SLF2: variants seen among roughly 807,000 people sequenced by gnomAD.
SLF2 encodes the protein SMC5/6 complex localization factor 2, also known as SMC5-SMC6 complex localization factor protein 2.
SLF2 carries 68 observed loss-of-function variants against 124.3 expected under a neutral mutation model. That is an observed-to-expected ratio of 0.55 (90% confidence interval 0.45 to 0.67). The LOEUF is 0.67. Ranked by LOEUF, SLF2 falls within the 30% of genes least tolerant of loss-of-function variation. The probability of loss-of-function intolerance (pLI) is 0.00; values close to 1 mark genes in which losing one functional copy is unlikely to be tolerated. For missense variants in SLF2, 1,246 were observed against 1,373.7 expected (o/e 0.91, Z 1.47); for synonymous variants, 480 against 478.8 (o/e 1.00, Z -0.03).
chr10:100,932,258 A>T (rs373159269), intron 9 of SLF2, among the ~76,000 whole-genome samples: 1 of 48,748 alleles, frequency 2.1e-5, no homozygotes, highest in East Asian at 2.4e-4. Flanking sequence ...ACATCTGTTT[A>T]AAAAAAAAAA....
rs893762928 is a variant in SLF2 at position 100,929,856 on chromosome 10, C to A, written c.2192C>A (p.Thr731Lys). The A allele has an allele frequency of 6.3e-7, 1 of 1,577,936 alleles. No homozygotes were observed. The highest frequency in any genetic ancestry group is 2.1e-5 in the Admixed American group (1 of 48,162). The change falls in exon 8 of 20, where the codon ACA becomes AAA. Residue 731 changes from threonine to lysine, a missense_variant. This residue lies in a region of SLF2 where 535 missense variants were observed against 632.8 expected (regional missense o/e 0.85). Transcript: ENST00000238961. ...HKEFLKKFSVTIDAIPDHHPG... is the reference protein window; with the variant it reads ...HKEFLKKFSVKIDAIPDHHPG... ...GAATTTCTAAAGAAATTTTCAGTTA[C>A]AATTGATGCTATTCCTGATCATCAT...
chr10:100,944,710 A>T (rs1327673987), intron 12 of SLF2, among the ~76,000 whole-genome samples: 1 of 152,028 alleles, frequency 6.6e-6, no homozygotes, highest in Non-Finnish European at 1.5e-5. Context: ...AAAGACTTAC[A>T]ATACAACTTA....
intron 16 of SLF2, among the ~76,000 whole-genome samples, chr10:100,950,425 A>AT (rs1466617498): frequency 6.6e-6 from 1 of 152,218 alleles, no homozygotes; most frequent in Admixed American, 6.5e-5. Context: ...ATTGTTGGTA[A>AT]TTTGCTCCCA....
At chr10:100,946,877 T>A (rs950344987) in intron 13 of SLF2, among the ~76,000 whole-genome samples, 162 bp from the exon 14 acceptor site, 1 of 152,264 alleles carries the variant, frequency 6.6e-6, no homozygotes, top group Non-Finnish European at 1.5e-5. Context: ...ATCTGTGTAT[T>A]GTGTACATTT....
At chr10:100,954,329 TAAAC>T (rs944627908) in intron 17 of SLF2, among the ~76,000 whole-genome samples, 6 of 152,170 alleles carry the variant, frequency 3.9e-5, no homozygotes, top group African/African-American at 1.2e-4. Context: ...CCTTTATTGA[TAAAC>T]AGTATGTTTT....
intron 4 of SLF2, among the ~76,000 whole-genome samples, chr10:100,919,654 G>A (rs1422853612): frequency 6.6e-6 from 1 of 152,178 alleles, no homozygotes; most frequent in Non-Finnish European, 1.5e-5. Context: ...ACAGTTAATA[G>A]TCTAGTGTAT....
At chr10:100,939,119 G>A (rs1849919926) in intron 11 of SLF2, among the ~76,000 whole-genome samples, 1 of 152,196 alleles carries the variant, frequency 6.6e-6, no homozygotes, top group African/African-American at 2.4e-5. Flanking sequence ...CTAAGACTCA[G>A]GTGAAAAACT....
rs771578244 is a variant in SLF2, at chr10:100,926,250, G to A, written c.2042+231G>A. Reference sequence around the variant, plus strand: ...CTTGAGCCCAGGAGTTCAAGGCTGCGGTGAGTCGTGATGGCGCCACTTCAC... The same window carrying A: ...CTTGAGCCCAGGAGTTCAAGGCTGCAGTGAGTCGTGATGGCGCCACTTCAC... On this transcript the variant is annotated intron_variant, in intron 6 of 19. Coordinates refer to ENST00000238961, the MANE Select transcript of SLF2 (RefSeq NM_018121.4). 24 of 1,522,112 alleles carry A rather than the reference G, an allele frequency of 1.6e-5. No individual in the cohort carries two copies. In the African/African-American group the frequency reaches 1.9e-4, roughly 12 times the overall value. 94.3% of individuals were successfully genotyped at this position (1,522,112 alleles called of 1,614,324 possible). A position where few individuals can be genotyped will look rare whatever the true frequency, so the allele number is the denominator to read the frequency against.
At chr10:100,921,696 G>A (rs1432906648) in intron 4 of SLF2, among the ~76,000 whole-genome samples, 1 of 152,172 alleles carries the variant, frequency 6.6e-6, no homozygotes, top group Non-Finnish European at 1.5e-5. Context: ...CCTGAGCAAA[G>A]CAGGAATTTC....
Position 100,915,987 on chromosome 10 carries a change from T to G in SLF2, c.141-12T>G. On this transcript the variant is annotated splice_polypyrimidine_tract_variant and intron_variant, in intron 1 of 19. Transcript: ENST00000238961. Reference sequence around the variant, plus strand: ...TTGCTTATATGATGCCATATTATGCTTTTATTTTCAGGAAGCAGTCAATTA... The same window carrying G: ...TTGCTTATATGATGCCATATTATGCGTTTATTTTCAGGAAGCAGTCAATTA... The G allele has an allele frequency of 1.2e-6, 2 of 1,602,976 alleles. No individual in the cohort carries two copies. The highest frequency in any genetic ancestry group is 1.7e-6 in the Non-Finnish European group (2 of 1,171,176).
chr10:100,929,641 G>C (rs990662282), intron 7 of SLF2, among the ~76,000 whole-genome samples, 189 bp from the exon 8 acceptor site: 2 of 152,150 alleles, frequency 1.3e-5, no homozygotes, highest in African/African-American at 4.8e-5. Context: ...TTTTCACATA[G>C]ACACATTTAG....
chr10:100,915,029 G>A (rs1239085711), intron 1 of SLF2, among the ~76,000 whole-genome samples: 1 of 151,974 alleles, frequency 6.6e-6, no homozygotes, highest in African/African-American at 2.4e-5. Flanking sequence ...CTTTTTTGCA[G>A]CTGACAACTC....
rs1485525746 is a variant in SLF2, at chr10:100,965,091, G to A, written c.*3179G>A. The A allele has an allele frequency of 8.4e-6, 1 of 119,252 alleles. No homozygotes were observed. Among genetic ancestry groups the A allele is most frequent in the Non-Finnish European group, 1.7e-5 (1 of 57,494 alleles). The allele number at this position is 119,252 out of a possible 1,614,324, so 7.4% of individuals were successfully genotyped here. A position where few individuals can be genotyped will look rare whatever the true frequency, so the allele number is the denominator to read the frequency against. ...TACATCTTGTTAAAGTCCTATGAAT[G>A]TGTGTGTGTGTGTGCTATTAAAACT... On this transcript the variant is annotated 3_prime_UTR_variant, in exon 20 of 20. Transcript: ENST00000238961. The surrounding 1 kb of genome is among the most constrained non-coding windows in gnomAD (Gnocchi z 4.1).
At chr10:100,913,858 C>G in intron 1 of SLF2, 14 of 985,448 alleles carry the variant, frequency 1.4e-5, no homozygotes, top group Non-Finnish European at 1.7e-5. Flanking sequence ...ATGACATCCT[C>G]TGACAATAAA....
chr10:100,938,836 A>G, intron 11 of SLF2, 100 bp downstream of exon 11: 1 of 1,155,106 alleles, frequency 8.7e-7, no homozygotes, highest in Non-Finnish European at 1.2e-6. Context: ...TTTTAAAAAG[A>G]TCTCTCAAAG....
chr10:100,926,257 C>T (rs1009030911), intron 6 of SLF2: 128 of 1,509,010 alleles, frequency 8.5e-5, no homozygotes, highest in Non-Finnish European at 1.1e-4. Flanking sequence ...TGCGGTGAGT[C>T]GTGATGGCGC....
chr10:100,918,557 C>G (rs1849465097), intron 4 of SLF2, 116 bp downstream of exon 4: 1 of 642,746 alleles, frequency 1.6e-6, no homozygotes, highest in Admixed American at 2.8e-5. Context: ...AATTAAGTGT[C>G]TCATATTAAT....
chr10:100,913,787 A>G (rs1849367274), intron 1 of SLF2: 2 of 985,958 alleles, frequency 2.0e-6, no homozygotes, highest in Admixed American at 1.2e-4. Flanking sequence ...CCTCTCCAAG[A>G]GGCTAATTTT....
At chr10:100,961,154 C>T (rs911499573) in intron 19 of SLF2, among the ~76,000 whole-genome samples, 5 of 151,804 alleles carry the variant, frequency 3.3e-5, no homozygotes, top group South Asian at 2.1e-4. Context: ...GGATTACAGG[C>T]GCCTGCCACC....
Sources: gnomAD v4.1 joint callset for allele counts (sites outside exome capture counted in the v4.1 genomes callset) on GRCh38, gnomAD v4.1.1 for gene constraint, gnomAD v4.1.1 regional missense constraint, Gnocchi (gnomAD v3.1) non-coding constraint, MANE v1.5 for transcripts, NCBI Gene and HGNC (gene_info 2026-07-23, HGNC 2026-07-21) for gene names.